The following WASHC2A variants were observed in gnomAD, a reference collection of about 807,000 sequenced individuals.
WASHC2A encodes the protein WASH complex subunit 2A.
In WASHC2A, 82 loss-of-function variants were observed where a neutral mutation model predicts 140.3. The ratio of observed to expected loss-of-function variants is 0.58; its 90% CI spans 0.49 to 0.70. WASHC2A has a LOEUF of 0.70. WASHC2A is among the 30% of genes least tolerant of loss of function. The pLI is 0.00. For missense variants in WASHC2A, 985 were observed against 1,521.8 expected (o/e 0.65, Z 5.87); for synonymous variants, 340 against 560.8 (o/e 0.61, Z 5.56).
intron 3 of WASHC2A, among the ~76,000 whole-genome samples, chr10:50,073,173 C>T (rs1484788666): frequency 6.6e-6 from 1 of 152,026 alleles, no homozygotes; most frequent in Non-Finnish European, 1.5e-5. Flanking sequence ...GGAATTGGAT[C>T]CTGAAATAGC....
chr10:50,090,142 T>C (rs1194044527), intron 8 of WASHC2A, among the ~76,000 whole-genome samples: 1 of 151,964 alleles, frequency 6.6e-6, no homozygotes, highest in African/African-American at 2.4e-5. Context: ...AATATTTCTC[T>C]AGTAAGCCAT....
rs1554888525 is a variant in WASHC2A at position 50,106,347 on chromosome 10, G to C, written c.1751G>C (p.Gly584Ala). Residue 584 changes from glycine (G) to alanine (A), a missense_variant, in exon 19 of 31, where the codon GGG becomes GCG. Physicochemically the swap from Gly to Ala is moderately conservative, Grantham distance 60. Coordinates refer to ENST00000282633, the MANE Select transcript of WASHC2A (RefSeq NM_001005751.3). ...TTGCTTTTCTAGGATAATCTTTTTG[G>C]GGGTACAGCTGCTAAGAAGCAGACA... Reference protein sequence around the residue: ...DDEDEEDNLFGGTAAKKQTLC... With the variant: ...DDEDEEDNLFAGTAAKKQTLC... The C allele has an allele frequency of 8.7e-6, 14 of 1,611,702 alleles. No homozygotes were observed. Among genetic ancestry groups the C allele is most frequent in the Non-Finnish European group, 2.5e-6 (3 of 1,179,802 alleles).
chr10:50,072,176 C>T (rs1199133442), intron 3 of WASHC2A, among the ~76,000 whole-genome samples: 1 of 147,148 alleles, frequency 6.8e-6, no homozygotes, highest in Non-Finnish European at 1.5e-5. Context: ...CCTCCGCCTC[C>T]CGGGTTCAAG....
At position 50,085,181 on chromosome 10, in the gene WASHC2A, G is replaced by A. The variant is rs1839281172; in HGVS notation, c.623-316G>A. Among the ~76,000 whole-genome samples the A allele has an allele frequency of 2.2e-5, 2 of 90,002 alleles. 1 individual carries two copies. Among genetic ancestry groups the A allele is most frequent in the Non-Finnish European group, 4.2e-5 (2 of 47,544 alleles). 59.0% of individuals were successfully genotyped at this position (90,002 alleles called of 152,430 possible). A position where few individuals can be genotyped will look rare whatever the true frequency, so the allele number is the denominator to read the frequency against. On this transcript the variant is annotated intron_variant, in intron 6 of 30. Coordinates refer to ENST00000282633, the MANE Select transcript of WASHC2A (RefSeq NM_001005751.3). ...CAATCCAGGACCAGCCACCACATTT[G>A]GTTGTCAAATCTTCAGTTATCTTTT...
intron 20 of WASHC2A, among the ~76,000 whole-genome samples, chr10:50,113,338 G>C (rs1171564119): frequency 2.6e-5 from 4 of 151,966 alleles, no homozygotes; most frequent in Admixed American, 2.6e-4. Context: ...CTGGGCAGTA[G>C]AGTGAGACCC....
chr10:50,105,175 C>T (rs1465743336), intron 18 of WASHC2A, among the ~76,000 whole-genome samples: 2 of 151,948 alleles, frequency 1.3e-5, no homozygotes, highest in South Asian at 2.1e-4. Context: ...AGAAGGCAGC[C>T]ATGTCCTGAC....
chr10:50,107,575 C>G (rs1841905167), intron 19 of WASHC2A, among the ~76,000 whole-genome samples: 1 of 151,442 alleles, frequency 6.6e-6, no homozygotes, highest in Non-Finnish European at 1.5e-5. Flanking sequence ...TGTTCATGTT[C>G]TTACTGAAAG....
chr10:50,094,623 G>A (rs1165041553), intron 13 of WASHC2A, among the ~76,000 whole-genome samples: 2 of 152,178 alleles, frequency 1.3e-5, no homozygotes, highest in African/African-American at 4.8e-5. Context: ...CTTGGAGGCC[G>A]CTCCTTGTGC....
chr10:50,128,342 C>T (rs1843630651), intron 28 of WASHC2A, among the ~76,000 whole-genome samples: 1 of 152,248 alleles, frequency 6.6e-6, no homozygotes, highest in Non-Finnish European at 1.5e-5. Flanking sequence ...ATGCTCCTCT[C>T]TGTCCACAGC....
In WASHC2A at chr10:50,069,587, C is replaced by G; in HGVS notation, c.167C>G (p.Ser56Cys). Reference sequence around the variant, plus strand: ...CAGGAATTCTCACAGCAAACTATCTCTAGGACCCATGAAATCAAGAAACAA... The same window carrying G: ...CAGGAATTCTCACAGCAAACTATCTGTAGGACCCATGAAATCAAGAAACAA... ...FLQEFSQQTI[S>C]RTHEIKKQVD... The change falls in exon 3 of 31, where the codon TCT becomes TGT. Residue 56 changes from serine (S) to cysteine (C), a missense_variant. Coordinates refer to ENST00000282633, the MANE Select transcript of WASHC2A (RefSeq NM_001005751.3). The G allele has an allele frequency of 1.2e-6, 2 of 1,613,898 alleles. No individual in the cohort carries two copies. The highest frequency in any genetic ancestry group is 2.2e-5 in the South Asian group (2 of 91,072).
Position 50,129,702 on chromosome 10 carries a change from G to T in WASHC2A, c.3371G>T (p.Arg1124Ile). 1 of 1,612,098 alleles carries T rather than the reference G, an allele frequency of 6.2e-7. No individual in the cohort carries two copies. Among genetic ancestry groups the T allele is most frequent in the South Asian group, 1.1e-5 (1 of 90,996 alleles). The change falls in exon 29 of 31, where the codon AGA (arginine) becomes ATA (isoleucine). Residue 1124 changes from arginine (R) to isoleucine (I), a missense_variant. Coordinates refer to ENST00000282633, the MANE Select transcript of WASHC2A (RefSeq NM_001005751.3). ...TTTGCAAAGTCTCTGGGTCATTCCA[G>T]AGGGGAGGCTGACCTTTTTGATTCT... ...SPFAKSLGHS[R>I]GEADLFDSGD...
intron 17 of WASHC2A, among the ~76,000 whole-genome samples, chr10:50,102,246 A>G (rs1449358400): frequency 4.6e-5 from 7 of 152,182 alleles, no homozygotes; most frequent in Non-Finnish European, 8.8e-5. Flanking sequence ...AGTCTAAGTA[A>G]GAGTTAAAGC....
At chr10:50,129,372 C>T (rs1255629566) in intron 28 of WASHC2A, 47 bp from the exon 29 acceptor site, 3 of 1,611,904 alleles carry the variant, frequency 1.9e-6, no homozygotes, top group Non-Finnish European at 2.5e-6. Context: ...TAGCTTTGAA[C>T]ACTTTATTTT....
At chr10:50,068,583 CCTT>C (rs1275111035) in intron 2 of WASHC2A, among the ~76,000 whole-genome samples, 1 of 151,178 alleles carries the variant, frequency 6.6e-6, no homozygotes, top group East Asian at 1.9e-4. Flanking sequence ...ATGTGGATAT[CCTT>C]TAATGGGATT....
At chr10:50,075,530 T>G (rs1186920961) in intron 3 of WASHC2A, among the ~76,000 whole-genome samples, 4 of 151,828 alleles carry the variant, frequency 2.6e-5, no homozygotes, top group Non-Finnish European at 5.9e-5. Flanking sequence ...CTCAGCCTCC[T>G]GAATAGCTGG....
chr10:50,081,898 G>T (rs1838927193), intron 5 of WASHC2A, among the ~76,000 whole-genome samples: 1 of 152,154 alleles, frequency 6.6e-6, no homozygotes, highest in African/African-American at 2.4e-5. Context: ...CTCCCAAAGT[G>T]CTGGGATTAC....
At chr10:50,081,122 A>G (rs1346736525) in intron 5 of WASHC2A, among the ~76,000 whole-genome samples, 191 bp downstream of exon 5, 4 of 150,942 alleles carry the variant, frequency 2.7e-5, no homozygotes, top group Non-Finnish European at 4.4e-5. Flanking sequence ...GCGCAAGGCA[A>G]CATGTCAAGT....
chr10:50,068,073 C>T (rs782210684), intron 1 of WASHC2A, 32 bp from the exon 2 acceptor site: 2 of 1,609,086 alleles, frequency 1.2e-6, no homozygotes, highest in African/African-American at 1.3e-5. Flanking sequence ...CGCCCTCAGG[C>T]TCAGCTTCTC....
At chr10:50,088,587 C>T (rs1234238742) in intron 8 of WASHC2A, among the ~76,000 whole-genome samples, 1 of 145,798 alleles carries the variant, frequency 6.9e-6, no homozygotes, top group African/African-American at 2.5e-5. Context: ...AAATCCTTTG[C>T]TTCGGTGAAC....
Sources: allele counts gnomAD v4.1 joint callset (sites outside exome capture counted in the v4.1 genomes callset), GRCh38; gene constraint gnomAD v4.1.1; transcripts MANE v1.5; gene names NCBI Gene and HGNC (gene_info 2026-07-23, HGNC 2026-07-21).